The following WASF1 variants were observed in gnomAD, a reference collection of about 807,000 sequenced individuals.
WASF1 encodes the protein WASP family member 1, also known as actin-binding protein WASF1.
A neutral mutation model predicts 50.5 loss-of-function variants in WASF1; 7 were observed. The observed-to-expected ratio is 0.14, with a 90% confidence interval of 0.08 to 0.26. WASF1 has a LOEUF of 0.26. Ranked by LOEUF, WASF1 falls within the 10% of genes least tolerant of loss-of-function variation. WASF1 has a pLI of 1.00. For missense variants in WASF1, 470 were observed against 694.7 expected (o/e 0.68, Z 3.64); for synonymous variants, 205 against 244.0 (o/e 0.84, Z 1.49).
intron 3 of WASF1, among the ~76,000 whole-genome samples, chr6:110,150,481 CA>C (rs574956605): frequency 8.3e-4 from 126 of 152,276 alleles, no homozygotes; most frequent in African/African-American, 2.9e-3. Context: ...ATCAGTTCCT[CA>C]GTCACACTAG....
At chr6:110,162,740 T>C (rs1486590328) in intron 2 of WASF1, among the ~76,000 whole-genome samples, 1 of 151,488 alleles carries the variant, frequency 6.6e-6, no homozygotes, top group Non-Finnish European at 1.5e-5. Context: ...CTCCGCAAAC[T>C]AGGAATAAAA....
rs750080543 is a variant in WASF1, at chr6:110,107,092, T to C, written c.525A>G (p.Glu175=). The C allele has an allele frequency of 6.2e-7, 1 of 1,601,412 alleles. No individual in the cohort carries two copies. Among genetic ancestry groups the C allele is most frequent in the Non-Finnish European group, 8.5e-7 (1 of 1,175,294 alleles). The change falls in exon 7 of 11, where the codon GAA becomes GAG. Residue 175 remains glutamate (E), a synonymous_variant. Coordinates refer to ENST00000392589, the MANE Select transcript of WASF1 (RefSeq NM_003931.3). ...CTTGTAATACCTTCTGCTTCCTCTTTTCCTTCCTCTTATCCTCTGTATCTT... is the reference window on the plus strand; with the variant it reads ...CTTGTAATACCTTCTGCTTCCTCTTCTCCTTCCTCTTATCCTCTGTATCTT... The part of the protein sequence containing the change: ...MLQDTEDKRK[E]KRKQKQKNLD...
intron 3 of WASF1, 115 bp from the exon 4 acceptor site, chr6:110,127,744 C>T (rs1250539628): frequency 2.1e-6 from 2 of 957,722 alleles, no homozygotes; most frequent in Non-Finnish European, 2.8e-6. Flanking sequence ...TGGATTTGAA[C>T]TGCCTGGGTC....
At chr6:110,117,095 C>T (rs942284106) in intron 4 of WASF1, among the ~76,000 whole-genome samples, 8 of 151,676 alleles carry the variant, frequency 5.3e-5, no homozygotes, top group African/African-American at 1.5e-4. Flanking sequence ...AAAAACAAAG[C>T]GCCTCTTCTC....
Position 110,108,588 on chromosome 6 carries a change from A to G in WASF1, c.362T>C (p.Leu121Ser), listed in dbSNP as rs766125714. Residue 121 changes from leucine (L) to serine (S), a missense_variant, in exon 6 of 11, where the codon TTA becomes TCA. By Grantham distance (145) the Leu-to-Ser change is moderately radical (BLOSUM62 -2). This residue lies in a region of WASF1 where 140 missense variants were observed against 260.5 expected (regional missense o/e 0.54). Transcript: ENST00000392589. ...TTCACAAACATCGTACGTCTCCTGT[A>G]ATGGAATAGGCAAAGTCTTGCGATC... ...LFDRKTLPIP[L>S]QETYDVCEQP... The G allele has an allele frequency of 6.2e-7, 1 of 1,614,070 alleles. No homozygotes were observed. The highest frequency in any genetic ancestry group is 1.1e-5 in the South Asian group (1 of 91,070).
At chr6:110,123,262 T>C in intron 4 of WASF1, among the ~76,000 whole-genome samples, 1 of 150,866 alleles carries the variant, frequency 6.6e-6, no homozygotes, top group Non-Finnish European at 1.5e-5. Context: ...TAGAAGATTA[T>C]CTGTCCCAGG....
At position 110,102,172 on chromosome 6, in the gene WASF1, G is replaced by A; in HGVS notation, c.938C>T (p.Thr313Ile). The change falls in exon 10 of 11, where the codon ACA becomes ATA. Residue 313 changes from threonine to isoleucine, a missense_variant. Coordinates refer to ENST00000392589, the MANE Select transcript of WASF1 (RefSeq NM_003931.3). Reference sequence around the variant, plus strand: ...GCTCACAAACACAGGTGTTCTGCCTGTAGCTGGTGACTGAGGGCGATTTTC... The same window carrying A: ...GCTCACAAACACAGGTGTTCTGCCTATAGCTGGTGACTGAGGGCGATTTTC... ...LIENRPQSPA[T>I]GRTPVFVSPT... is the part of the protein sequence containing the mutation. 1 of 1,434,722 alleles carries A rather than the reference G, an allele frequency of 7.0e-7. No individual in the cohort carries two copies. Among genetic ancestry groups the A allele is most frequent in the South Asian group, 1.8e-5 (1 of 55,506 alleles). 88.9% of individuals were successfully genotyped at this position (1,434,722 alleles called of 1,614,324 possible).
At chr6:110,129,100 C>T (rs114617721) in intron 3 of WASF1, among the ~76,000 whole-genome samples, 357 of 152,054 alleles carry the variant, frequency 2.3e-3, no homozygotes, top group African/African-American at 7.6e-3. Context: ...AAGAGCTGTA[C>T]GTCATGATCA....
intron 2 of WASF1, among the ~76,000 whole-genome samples, chr6:110,165,816 TC>T (rs2114611697): frequency 6.6e-6 from 1 of 151,822 alleles, no homozygotes; most frequent in South Asian, 2.1e-4. Context: ...CCCCTGAACT[TC>T]TGAATCAGAA....
intron 2 of WASF1, among the ~76,000 whole-genome samples, chr6:110,174,064 C>T (rs1776823413): frequency 6.6e-6 from 1 of 152,128 alleles, no homozygotes; most frequent in Non-Finnish European, 1.5e-5. Context: ...TAAACCAAAC[C>T]TCACGTAGGC....
At chr6:110,145,650 T>C (rs1256238368) in intron 3 of WASF1, among the ~76,000 whole-genome samples, 1 of 152,156 alleles carries the variant, frequency 6.6e-6, no homozygotes, top group Non-Finnish European at 1.5e-5. Flanking sequence ...ACCTAATTTA[T>C]TGAGAGTTTT....
intron 2 of WASF1, among the ~76,000 whole-genome samples, chr6:110,166,808 T>A (rs1321129937): frequency 6.6e-6 from 1 of 151,986 alleles, no homozygotes; most frequent in Non-Finnish European, 1.5e-5. Flanking sequence ...TTTGGCTGGC[T>A]GTTTATGAGG....
rs943970061 is a variant in WASF1 at position 110,101,762 on chromosome 6, G to T, written c.1348C>A (p.His450Asn). ...GTTGGATGTAGCCCAGAGGGAGGAT[G>T]AGCAAGAGCTGTAACTGTGACAGGT... ...SSPVTVTALA[H>N]PPSGLHPTPS... is the part of the protein sequence containing the mutation. The change falls in exon 10 of 11, where the codon CAT becomes AAT. Residue 450 changes from histidine to asparagine, a missense_variant. This residue lies in a region of WASF1 where 294 missense variants were observed against 343.5 expected (regional missense o/e 0.86). Transcript: ENST00000392589. The T allele has an allele frequency of 6.2e-7, 1 of 1,614,024 alleles. No homozygotes were observed. Among genetic ancestry groups the T allele is most frequent in the Non-Finnish European group, 8.5e-7 (1 of 1,180,022 alleles).
chr6:110,110,071 GT>G (rs1055089807), intron 5 of WASF1, among the ~76,000 whole-genome samples: 2 of 152,072 alleles, frequency 1.3e-5, no homozygotes, highest in African/African-American at 4.8e-5. Flanking sequence ...GAAGCAAAAA[GT>G]TTTTCCCCAC....
intron 3 of WASF1, among the ~76,000 whole-genome samples, chr6:110,138,096 GGTGT>G (rs1775051956): frequency 6.6e-6 from 1 of 152,238 alleles, no homozygotes; most frequent in Non-Finnish European, 1.5e-5. Flanking sequence ...AGTGGCAAGG[GGTGT>G]GTAAGCAAGC....
At chr6:110,168,863 C>T (rs772966800) in intron 2 of WASF1, among the ~76,000 whole-genome samples, 1 of 152,054 alleles carries the variant, frequency 6.6e-6, no homozygotes, top group Non-Finnish European at 1.5e-5. Context: ...CAACTTTGTC[C>T]TTACCAAGTT....
chr6:110,100,511 A>G lies in WASF1; in HGVS notation c.*11T>C, dbSNP rs1224185806. The G allele has an allele frequency of 5.0e-6, 8 of 1,603,996 alleles. No individual in the cohort carries two copies. The highest frequency in any genetic ancestry group is 6.8e-6 in the Non-Finnish European group (8 of 1,174,198). On this transcript the variant is annotated 3_prime_UTR_variant, in exon 11 of 11. Coordinates refer to ENST00000392589, the MANE Select transcript of WASF1 (RefSeq NM_003931.3). Reference sequence around the variant, plus strand: ...GCATTCAGTTTTGTAATATTTATCAATGCATTTTTCTTACTCCAACCAATC... The same window carrying G: ...GCATTCAGTTTTGTAATATTTATCAGTGCATTTTTCTTACTCCAACCAATC...
At chr6:110,131,729 C>A (rs2114526078) in intron 3 of WASF1, among the ~76,000 whole-genome samples, 1 of 152,232 alleles carries the variant, frequency 6.6e-6, no homozygotes, top group African/African-American at 2.4e-5. Context: ...TCTCAAACTC[C>A]TCAGCTCAGA....
At chr6:110,110,947 C>G (rs899726795) in intron 5 of WASF1, among the ~76,000 whole-genome samples, 3 of 152,056 alleles carry the variant, frequency 2.0e-5, no homozygotes, top group Non-Finnish European at 4.4e-5. Flanking sequence ...TCTTCCCCCA[C>G]TGCTCCACAA....
Sources: allele counts gnomAD v4.1 joint callset (sites outside exome capture counted in the v4.1 genomes callset), GRCh38; gene constraint gnomAD v4.1.1; regional missense constraint gnomAD v4.1.1; transcripts MANE v1.5; gene names NCBI Gene and HGNC (gene_info 2026-07-23, HGNC 2026-07-21).